LINGO2: variants seen among roughly 807,000 people sequenced by gnomAD.
LINGO2 encodes the protein leucine rich repeat and Ig domain containing 2.
LINGO2 carries 14 observed loss-of-function variants against 30.6 expected under a neutral mutation model. The observed-to-expected ratio is 0.46, with a 90% CI of 0.30 to 0.72. The LOEUF (loss-of-function observed/expected upper bound fraction) is 0.72. Among genes scored for constraint, LINGO2 ranks in the 30% least tolerant of loss-of-function variants. The probability of loss-of-function intolerance (pLI) is 0.07; values close to 1 mark genes in which losing one functional copy is unlikely to be tolerated. For missense variants in LINGO2, 729 were observed against 751.7 expected, an observed-to-expected ratio of 0.97 and a Z score of 0.35; for synonymous variants, 317 against 288.5, an observed-to-expected ratio of 1.10 and a Z score of -1.00.
intron 4 of LINGO2, among the ~76,000 whole-genome samples, chr9:28,033,110 TATG>T (rs1308325598): frequency 6.6e-6 from 1 of 152,238 alleles, no homozygotes; most frequent in African/African-American, 2.4e-5. Flanking sequence ...CATTTGCTGC[TATG>T]ATCCCTTTAC....
chr9:28,197,770 G>C (rs889446430), intron 4 of LINGO2, among the ~76,000 whole-genome samples: 3 of 151,382 alleles, frequency 2.0e-5, no homozygotes, highest in African/African-American at 7.3e-5. Context: ...AAGATAAATG[G>C]CAAACTGGAG....
the LINGO2 span, among the ~76,000 whole-genome samples, chr9:29,008,310 T>C: frequency 6.6e-6 from 1 of 152,226 alleles, no homozygotes; most frequent in African/African-American, 2.4e-5. Context: ...CCACATTTTC[T>C]TAATCCAGTC....
rs568988546 is a variant in LINGO2, at chr9:28,469,494, A to G, written c.-279+6446T>C. On this transcript the variant is annotated intron_variant, in intron 2 of 5. Transcript: ENST00000379992. ...GCTCAACAAATTCCAAGTAGAATAA[A>G]GAGATTCACAAGAAGAGACATTACA... Among the ~76,000 whole-genome samples the G allele has an allele frequency of 1.5e-3, 226 of 152,278 alleles. 1 individual carries two copies. The highest frequency in any genetic ancestry group is 3.0e-3 in the Non-Finnish European group (202 of 68,010).
At chr9:28,082,582 A>G (rs1825802943) in intron 4 of LINGO2, among the ~76,000 whole-genome samples, 1 of 152,198 alleles carries the variant, frequency 6.6e-6, no homozygotes, top group Non-Finnish European at 1.5e-5. Flanking sequence ...CAAATGGACA[A>G]ATACTAGAGG....
At chr9:28,181,545 A>G (rs1310499159) in intron 4 of LINGO2, among the ~76,000 whole-genome samples, 1 of 152,162 alleles carries the variant, frequency 6.6e-6, no homozygotes, top group African/African-American at 2.4e-5. Context: ...TGGTGTGTTA[A>G]TAAACCCTTC....
the LINGO2 span, among the ~76,000 whole-genome samples, chr9:29,177,315 T>C: frequency 6.6e-6 from 1 of 152,220 alleles, no homozygotes; most frequent in African/African-American, 2.4e-5. Context: ...CTGGAATTTA[T>C]AGTTTGTCCC....
intron 1 of LINGO2, among the ~76,000 whole-genome samples, chr9:28,610,179 A>G (rs531440719): frequency 2.4e-4 from 37 of 152,130 alleles, no homozygotes; most frequent in Non-Finnish European, 4.1e-4. Context: ...ATAAAAGACT[A>G]TTTTTGAAGT....
At chr9:28,881,598 CTT>C in the LINGO2 span, among the ~76,000 whole-genome samples, 12,797 of 143,240 alleles carry the variant, frequency 0.089, 605 homozygotes, top group African/African-American at 0.14. Context: ...TACTGACAAC[CTT>C]TTTTTTTTTT....
the LINGO2 span, among the ~76,000 whole-genome samples, chr9:28,868,988 C>T: frequency 6.6e-6 from 1 of 151,974 alleles, no homozygotes; most frequent in African/African-American, 2.4e-5. Context: ...AACAAATTTC[C>T]AGGCCTGCTT....
At chr9:27,969,098 C>G (rs1747940548) in intron 5 of LINGO2, among the ~76,000 whole-genome samples, 1 of 149,272 alleles carries the variant, frequency 6.7e-6, no homozygotes, top group Admixed American at 6.6e-5. Context: ...AATGGCTCAG[C>G]AAACAGATTT....
chr9:28,499,170 G>A (rs1049541582), intron 1 of LINGO2, among the ~76,000 whole-genome samples: 2 of 152,078 alleles, frequency 1.3e-5, no homozygotes, highest in African/African-American at 4.8e-5. Context: ...AGTCCTGGGA[G>A]GTCAGTTGGA....
rs539372652 is a variant in LINGO2, at chr9:27,984,005, A to G, written c.-36+28350T>C. Among the ~76,000 whole-genome samples the G allele has an allele frequency of 2.6e-5, 4 of 151,996 alleles. No individual in the cohort carries two copies. The East Asian group carries it at 7.8e-4, about 30-fold the overall frequency. ...AGAAAAGGGGCAGAGTAGAGGACGA[A>G]AAGAAGAAAGAGAAAACAAGGGCTG... On this transcript the variant is annotated intron_variant, in intron 5 of 5. Coordinates refer to ENST00000379992, the Ensembl canonical transcript of LINGO2.
chr9:28,550,771 G>C (rs1822238942), intron 1 of LINGO2, among the ~76,000 whole-genome samples: 1 of 151,892 alleles, frequency 6.6e-6, no homozygotes, highest in East Asian at 1.9e-4. Flanking sequence ...ATGCATCAAT[G>C]TAAGGAGTCA....
intron 3 of LINGO2, among the ~76,000 whole-genome samples, chr9:28,367,919 A>AT (rs1820740481): frequency 6.7e-6 from 1 of 150,236 alleles, no homozygotes; most frequent in Admixed American, 6.6e-5. Flanking sequence ...TCTTTTTGTC[A>AT]TTTTTTTCAA....
At chr9:28,387,047 C>T (rs541267240) in intron 2 of LINGO2, among the ~76,000 whole-genome samples, 1 of 152,254 alleles carries the variant, frequency 6.6e-6, no homozygotes, top group East Asian at 1.9e-4. Context: ...GCTGGACTTC[C>T]TGGGTTGAGT....
intron 4 of LINGO2, among the ~76,000 whole-genome samples, chr9:28,189,207 C>T (rs1386553125): frequency 7.1e-6 from 1 of 140,536 alleles, no homozygotes; most frequent in African/African-American, 2.7e-5. Flanking sequence ...TTTTTTTCTA[C>T]CATATTAGGA....
In LINGO2 at chr9:28,065,205, C is replaced by A. The variant is rs1046892046; in HGVS notation, c.-86-52800G>T. Reference sequence around the variant, plus strand: ...TGATCTCCAAGTTAAAAAAAAAAAACAAAAAAAACACTGTCTCAAGATCAA... The same window carrying A: ...TGATCTCCAAGTTAAAAAAAAAAAAAAAAAAAAACACTGTCTCAAGATCAA... On this transcript the variant is annotated intron_variant, in intron 4 of 5. Transcript: ENST00000379992. 3.7e-4 allele frequency among the ~76,000 whole-genome samples: 55 copies of A among 148,398 alleles called. No homozygotes were observed. The East Asian group carries it at 6.5e-3, about 18-fold the overall frequency.
intron 4 of LINGO2, among the ~76,000 whole-genome samples, chr9:28,122,291 C>CT (rs1290549653): frequency 3.3e-5 from 5 of 152,052 alleles, no homozygotes. Context: ...CAGCAGCACA[C>CT]TTTTTAAAAT....
At chr9:29,112,118 ATAT>A in the LINGO2 span, among the ~76,000 whole-genome samples, 1 of 151,636 alleles carries the variant, frequency 6.6e-6, no homozygotes, top group Non-Finnish European at 1.5e-5. Context: ...ATCTTTTAAA[ATAT>A]TATAGAAAAT....
Sources: allele counts gnomAD v4.1 joint callset (sites outside exome capture counted in the v4.1 genomes callset), GRCh38; gene constraint gnomAD v4.1.1; transcripts MANE v1.5; gene names NCBI Gene and HGNC (gene_info 2026-07-23, HGNC 2026-07-21).